Variants in THSD7B observed in about 807,000 individuals in gnomAD.
THSD7B encodes the protein thrombospondin type 1 domain containing 7B, also known as thrombospondin type-1 domain-containing protein 7B.
THSD7B carries 138 observed loss-of-function variants against 213.6 expected under a neutral mutation model. That is an observed-to-expected ratio of 0.65 (90% CI 0.56 to 0.74). The LOEUF (loss-of-function observed/expected upper bound fraction) is 0.74. Among genes scored for constraint, THSD7B ranks in the 30% least tolerant of loss-of-function variants. The pLI is 0.00. For missense variants in THSD7B, 1,931 were observed against 1,991.5 expected, an observed-to-expected ratio of 0.97 and a Z score of 0.58; for synonymous variants, 742 against 687.0, an observed-to-expected ratio of 1.08 and a Z score of -1.25.
chr2:137,009,648 AC>A (rs1686186694), intron 2 of THSD7B, among the ~76,000 whole-genome samples: 1 of 152,122 alleles, frequency 6.6e-6, no homozygotes. Context: ...CAAAAAGGGA[AC>A]CCCTTGTAAA....
chr2:137,466,110 T>C (rs188447172), intron 15 of THSD7B, among the ~76,000 whole-genome samples: 1 of 152,310 alleles, frequency 6.6e-6, no homozygotes, highest in Non-Finnish European at 1.5e-5. Flanking sequence ...GATATAAGTT[T>C]ATAATATGGA....
chr2:137,229,562 C>G (rs554268690), intron 7 of THSD7B, among the ~76,000 whole-genome samples: 67 of 152,294 alleles, frequency 4.4e-4, no homozygotes, highest in Non-Finnish European at 8.4e-4. Flanking sequence ...ATTAGCTGTG[C>G]ACTATCTTCT....
chr2:137,034,187 C>G (rs1686728883), intron 2 of THSD7B, among the ~76,000 whole-genome samples: 1 of 152,028 alleles, frequency 6.6e-6, no homozygotes, highest in African/African-American at 2.4e-5. Flanking sequence ...TTTTCTTAAG[C>G]CAGCCTATCA....
intron 2 of THSD7B, among the ~76,000 whole-genome samples, chr2:137,054,565 A>C (rs1687125656): frequency 6.6e-6 from 1 of 152,204 alleles, no homozygotes; most frequent in Non-Finnish European, 1.5e-5. Flanking sequence ...GATTACGTAC[A>C]TGTCTACTAT....
chr2:137,093,276 G>A (rs747269223), intron 3 of THSD7B, among the ~76,000 whole-genome samples: 1 of 152,132 alleles, frequency 6.6e-6, no homozygotes, highest in East Asian at 1.9e-4. Flanking sequence ...GTTCCTCCTC[G>A]CACTTTATGC....
chr2:137,565,336 AG>A (rs1681213567), intron 16 of THSD7B, among the ~76,000 whole-genome samples: 1 of 152,152 alleles, frequency 6.6e-6, no homozygotes, highest in South Asian at 2.1e-4. Context: ...GGGAATTCCA[AG>A]GACATGGCAG....
chr2:137,540,578 A>G (rs764835043), intron 15 of THSD7B, among the ~76,000 whole-genome samples: 3 of 151,638 alleles, frequency 2.0e-5, no homozygotes, highest in Non-Finnish European at 4.4e-5. Flanking sequence ...TCTTTGAAGA[A>G]TTGTCATTGT....
intron 10 of THSD7B, among the ~76,000 whole-genome samples, chr2:137,254,374 C>T (rs985661120): frequency 1.5e-4 from 23 of 152,188 alleles, no homozygotes; most frequent in African/African-American, 4.8e-4. Context: ...ACAGATCACA[C>T]GAATGTGGTG....
intron 10 of THSD7B, among the ~76,000 whole-genome samples, chr2:137,249,484 G>A (rs1402284377): frequency 6.6e-6 from 1 of 152,128 alleles, no homozygotes; most frequent in South Asian, 2.1e-4. Context: ...GGTAGGGAAA[G>A]CATTGTCAGT....
intron 12 of THSD7B, among the ~76,000 whole-genome samples, chr2:137,296,447 G>T (rs1683465053): frequency 6.6e-6 from 1 of 152,092 alleles, no homozygotes; most frequent in Non-Finnish European, 1.5e-5. Flanking sequence ...AAGTTGGTAA[G>T]GCTCTATTAG....
intron 12 of THSD7B, among the ~76,000 whole-genome samples, chr2:137,385,722 G>A (rs918914887): frequency 5.9e-5 from 9 of 152,130 alleles, no homozygotes; most frequent in African/African-American, 2.2e-4. Context: ...AATCAAGCTG[G>A]GAGTGAGAAG....
At chr2:137,243,906 A>G (rs1341206070) in intron 10 of THSD7B, among the ~76,000 whole-genome samples, 1 of 152,242 alleles carries the variant, frequency 6.6e-6, no homozygotes, top group Non-Finnish European at 1.5e-5. Flanking sequence ...AAATACATTG[A>G]ATAAGAAAGA....
intron 1 of THSD7B, among the ~76,000 whole-genome samples, chr2:136,787,160 C>A (rs907082005): frequency 6.6e-6 from 1 of 151,840 alleles, no homozygotes; most frequent in African/African-American, 2.4e-5. Context: ...AATTCATAAT[C>A]CAATATTATT....
At chr2:137,482,068 C>T (rs971924609) in intron 15 of THSD7B, among the ~76,000 whole-genome samples, 49 of 152,052 alleles carry the variant, frequency 3.2e-4, no homozygotes, top group African/African-American at 1.1e-3. Context: ...GTCCCAGCTA[C>T]TTGGGAGGCT....
chr2:137,240,408 A>G (rs1171366395), intron 9 of THSD7B, among the ~76,000 whole-genome samples: 1 of 152,214 alleles, frequency 6.6e-6, no homozygotes, highest in Non-Finnish European at 1.5e-5. Context: ...CTCCCTTCTT[A>G]GATGAACCAT....
chr2:136,988,811 ACTT>A (rs1341413297), intron 2 of THSD7B, among the ~76,000 whole-genome samples: 3 of 152,336 alleles, frequency 2.0e-5, no homozygotes, highest in Non-Finnish European at 2.9e-5. Flanking sequence ...TGCCCGAGTA[ACTT>A]CTTCTGTCAT....
chr2:136,867,718 A>C (rs975203107), intron 1 of THSD7B, among the ~76,000 whole-genome samples: 2 of 152,174 alleles, frequency 1.3e-5, no homozygotes, highest in Admixed American at 1.3e-4. Context: ...TTTCATTATA[A>C]TCCACTTATC....
intron 15 of THSD7B, chr2:137,512,229 T>A (rs775047255): frequency 4.6e-5 from 7 of 152,154 alleles, no homozygotes; most frequent in Admixed American, 2.0e-4. Flanking sequence ...TTAAACTTGC[T>A]TTCTAAACAG....
At chr2:137,339,521 A>C (rs1196950518) in intron 12 of THSD7B, among the ~76,000 whole-genome samples, 1 of 151,948 alleles carries the variant, frequency 6.6e-6, no homozygotes, top group African/African-American at 2.4e-5. Context: ...AAAAATAATA[A>C]TTCAAAACAC....
Sources: allele counts gnomAD v4.1 joint callset (sites outside exome capture counted in the v4.1 genomes callset), GRCh38; gene constraint gnomAD v4.1.1; transcripts MANE v1.5; gene names NCBI Gene and HGNC (gene_info 2026-07-23, HGNC 2026-07-21).